Variants in SLC16A9 observed in about 807,000 individuals in gnomAD.
The protein encoded by SLC16A9 is monocarboxylate transporter 9.
Under a neutral mutation model 44.3 loss-of-function variants are expected in SLC16A9, and 26 were observed. The ratio of observed to expected loss-of-function variants is 0.59; its 90% CI spans 0.43 to 0.81. The LOEUF is 0.81. SLC16A9 is among the 40% of genes least tolerant of loss of function. The pLI is 0.00. For synonymous variants in SLC16A9, 230 were observed against 225.1 expected (o/e 1.02, Z -0.19); for missense variants, 559 against 595.8 (o/e 0.94, Z 0.64).
chr10:59,689,304 C>T (rs763969704), intron 1 of SLC16A9, among the ~76,000 whole-genome samples: 1 of 152,138 alleles, frequency 6.6e-6, no homozygotes, highest in Non-Finnish European at 1.5e-5. Flanking sequence ...TTCTGTACTG[C>T]GTAAGGTGAT....
intron 1 of SLC16A9, among the ~76,000 whole-genome samples, chr10:59,705,919 C>T (rs968555382): frequency 6.6e-6 from 1 of 152,064 alleles, no homozygotes; most frequent in Non-Finnish European, 1.5e-5. Context: ...ATAATCTAGC[C>T]CCATCCCACC....
rs573905311 is a variant in SLC16A9 at position 59,676,831 on chromosome 10, G to C, written c.197-3918C>G. ...CCAGCTACTCGGTAGGCTGAGGCAG[G>C]AGAATTGCATGAACCGGGAAGGTGG... On this transcript the variant is annotated intron_variant, in intron 2 of 5. Coordinates refer to ENST00000395348, the MANE Select transcript of SLC16A9 (RefSeq NM_194298.3). Among the ~76,000 whole-genome samples, 4 of 151,452 alleles carry C rather than the reference G, an allele frequency of 2.6e-5. No homozygotes were observed. In the East Asian group the frequency reaches 7.8e-4, roughly 29 times the overall value.
At chr10:59,696,161 C>G (rs193166330) in intron 1 of SLC16A9, among the ~76,000 whole-genome samples, 13 of 152,196 alleles carry the variant, frequency 8.5e-5, no homozygotes, top group Non-Finnish European at 1.3e-4. Context: ...CCAGCCGAAG[C>G]TGGACTGTGC....
intron 4 of SLC16A9, among the ~76,000 whole-genome samples, chr10:59,661,488 A>C (rs1161516370): frequency 1.3e-5 from 2 of 152,230 alleles, no homozygotes; most frequent in Non-Finnish European, 2.9e-5. Context: ...CTGCTCAAGG[A>C]AATAAGAGAG....
Position 59,669,687 on chromosome 10 carries a change from T to G in SLC16A9, c.340+3083A>C, listed in dbSNP as rs1189945210. 7.2e-5 allele frequency among the ~76,000 whole-genome samples: 11 copies of G among 151,986 alleles called. No homozygotes were observed. The South Asian group carries it at 8.3e-4, about 11-fold the overall frequency. ...CCTATCTCCACTAAAAATACAAAAA[T>G]GAGTCAAGCGTGGTGGCTTGCTCCT... is the stretch of plus-strand genomic sequence containing the variant. On this transcript the variant is annotated intron_variant, in intron 3 of 5. Coordinates refer to ENST00000395348, the MANE Select transcript of SLC16A9 (RefSeq NM_194298.3).
intron 1 of SLC16A9, among the ~76,000 whole-genome samples, chr10:59,694,684 C>T (rs1840329573): frequency 6.6e-6 from 1 of 150,526 alleles, no homozygotes; most frequent in South Asian, 2.1e-4. Context: ...GCCTGTAATC[C>T]CAGCTACTTG....
intron 4 of SLC16A9, 32 bp from the exon 5 acceptor site, chr10:59,654,621 T>A (rs779861267): frequency 6.7e-7 from 1 of 1,492,784 alleles, no homozygotes; most frequent in Non-Finnish European, 8.9e-7. Flanking sequence ...TTCAACCTCG[T>A]AATCTGAGGC....
At chr10:59,686,993 C>T (rs946502354) in intron 1 of SLC16A9, among the ~76,000 whole-genome samples, 13 of 152,182 alleles carry the variant, frequency 8.5e-5, no homozygotes, top group African/African-American at 1.4e-4. Flanking sequence ...CAGCAACCTC[C>T]GCCTCCTAGG....
chr10:59,667,141 T>A (rs900701698), intron 3 of SLC16A9, among the ~76,000 whole-genome samples: 2 of 152,208 alleles, frequency 1.3e-5, no homozygotes, highest in African/African-American at 4.8e-5. Flanking sequence ...ACACATGGAT[T>A]TACTATAACA....
In SLC16A9 at chr10:59,674,454, G is replaced by A. The variant is rs116622037; in HGVS notation, c.197-1541C>T. Among the ~76,000 whole-genome samples, 392 of 152,266 alleles carry A rather than the reference G, an allele frequency of 2.6e-3. 2 individuals are homozygous for A. Among genetic ancestry groups the A allele is most frequent in the African/African-American group, 8.7e-3 (362 of 41,542 alleles). ...TTCAGGCCCTCTTGTGTGAGTCAGC[G>A]CAGAAGAGGAGACTGATACATTTGC... On this transcript the variant is annotated intron_variant, in intron 2 of 5. Coordinates refer to ENST00000395348, the MANE Select transcript of SLC16A9 (RefSeq NM_194298.3).
chr10:59,664,768 T>C (rs1839570998), intron 3 of SLC16A9, among the ~76,000 whole-genome samples: 1 of 152,148 alleles, frequency 6.6e-6, no homozygotes, highest in South Asian at 2.1e-4. Flanking sequence ...CTCAAAGCTA[T>C]TTTGTCAGAG....
chr10:59,676,941 A>AG (rs1279809946), intron 2 of SLC16A9, among the ~76,000 whole-genome samples: 8 of 144,838 alleles, frequency 5.5e-5, no homozygotes, highest in African/African-American at 2.0e-4. Flanking sequence ...AAAAAAAAAA[A>AG]GTAATAACCA....
chr10:59,685,108 TC>T (rs1301443608), intron 1 of SLC16A9, among the ~76,000 whole-genome samples: 2 of 152,224 alleles, frequency 1.3e-5, no homozygotes, highest in Non-Finnish European at 2.9e-5. Context: ...GCAAATATTT[TC>T]AATGTCTCTC....
chr10:59,672,964 T>C (rs754601330), intron 2 of SLC16A9, 51 bp from the exon 3 acceptor site: 9 of 1,541,742 alleles, frequency 5.8e-6, no homozygotes, highest in Middle Eastern at 1.7e-4. Flanking sequence ...CCATCCATCA[T>C]AAGTTCAAAA....
At position 59,654,562 on chromosome 10, in the gene SLC16A9, G is replaced by A. The variant is rs762653515; in HGVS notation, c.464C>T (p.Ala155Val). 5 of 1,593,312 alleles carry A rather than the reference G, an allele frequency of 3.1e-6. No individual in the cohort carries two copies. Among genetic ancestry groups the A allele is most frequent in the Non-Finnish European group, 4.3e-6 (5 of 1,174,478 alleles). The change falls in exon 5 of 6, where the codon GCT becomes GTT. Residue 155 changes from alanine to valine, a missense_variant. Ala to Val is a moderately conservative substitution (Grantham distance 64). Coordinates refer to ENST00000395348, the MANE Select transcript of SLC16A9 (RefSeq NM_194298.3). ...TGSSVGLFIY[A>V]ALQRMLVEFY... is the part of the protein sequence containing the mutation. ...CTCAACCAGCATCCTCTGCAGAGCA[G>A]CATATATGAAAAGGCCAACGCTTGA...
intron 1 of SLC16A9, among the ~76,000 whole-genome samples, chr10:59,689,168 A>G (rs1840200386): frequency 6.6e-6 from 1 of 152,180 alleles, no homozygotes; most frequent in Non-Finnish European, 1.5e-5. Context: ...TTTAAGATAC[A>G]TGTAGTGTCA....
chr10:59,698,669 T>C (rs1049524480), intron 1 of SLC16A9, among the ~76,000 whole-genome samples: 4 of 151,854 alleles, frequency 2.6e-5, no homozygotes, highest in Admixed American at 6.5e-5. Flanking sequence ...AGTGCCCAGA[T>C]ACTTGCCCCA....
At chr10:59,705,088 A>G (rs962234745) in intron 1 of SLC16A9, among the ~76,000 whole-genome samples, 6 of 151,822 alleles carry the variant, frequency 4.0e-5, no homozygotes, top group Non-Finnish European at 7.4e-5. Flanking sequence ...TGTTGCTAAC[A>G]TTTTTTTTCG....
rs547588932 is a variant in SLC16A9, at chr10:59,697,680, T to C, written c.-37+11799A>G. Among the ~76,000 whole-genome samples, 14 of 149,352 alleles carry C rather than the reference T, an allele frequency of 9.4e-5. No homozygotes were observed. In the South Asian group the frequency reaches 2.3e-3, roughly 25 times the overall value. On this transcript the variant is annotated intron_variant, in intron 1 of 5. Transcript: ENST00000395348. ...GCTGACCTTCCCTCCACTATTGTCC[T>C]GTGACCCTGCCAAATCCCCCTCTGC...
Sources: gnomAD v4.1 joint callset for allele counts (sites outside exome capture counted in the v4.1 genomes callset) on GRCh38, gnomAD v4.1.1 for gene constraint, MANE v1.5 for transcripts, NCBI Gene and HGNC (gene_info 2026-07-23, HGNC 2026-07-21) for gene names.